Variants in TENM2 observed in about 807,000 individuals in gnomAD.
TENM2 encodes teneurin transmembrane protein 2.
TENM2 carries 52 observed loss-of-function variants against 245.2 expected under a neutral mutation model. The observed-to-expected ratio is 0.21, with a 90% confidence interval of 0.17 to 0.27. The LOEUF is 0.27. TENM2 is among the 10% of genes least tolerant of loss of function. The pLI, the probability that TENM2 is intolerant of heterozygous loss-of-function variation, is 1.00. For synonymous variants in TENM2, 1,363 were observed against 1,438.9 expected (o/e 0.95, Z 1.19); for missense variants, 3,046 against 3,666.8 (o/e 0.83, Z 4.37).
rs2546958 is a variant in TENM2 at position 167,980,500 on chromosome 5, C to T, written c.948-12444C>T. Among the ~76,000 whole-genome samples the T allele has an allele frequency of 5.7e-3, 865 of 152,164 alleles. 7 individuals carry two copies. The highest frequency in any genetic ancestry group is 0.02 in the African/African-American group (813 of 41,500). ...ACCTGGACATGGGGAGGAGCTTGGC[C>T]TCTTTAAGGAACAGCAAAGAGGATG... On this transcript the variant is annotated intron_variant, in intron 4 of 28. Transcript: ENST00000518659.
At chr5:167,957,391 GTCTA>G (rs1416614456) in intron 4 of TENM2, among the ~76,000 whole-genome samples, 5 of 152,096 alleles carry the variant, frequency 3.3e-5, no homozygotes, top group African/African-American at 9.7e-5. Context: ...CTGGCCGGCA[GTCTA>G]TCTATTTTGT....
intron 2 of TENM2, among the ~76,000 whole-genome samples, chr5:167,419,307 C>T (rs1045867890): frequency 6.6e-6 from 1 of 151,860 alleles, no homozygotes; most frequent in African/African-American, 2.4e-5. Context: ...ACTAAAAATA[C>T]AAAAATTAGA....
the TENM2 span, among the ~76,000 whole-genome samples, chr5:167,261,426 A>G: frequency 6.6e-6 from 1 of 152,082 alleles, no homozygotes; most frequent in African/African-American, 2.4e-5. Flanking sequence ...TGCACATAAA[A>G]CTTTTAACAC....
the TENM2 span, among the ~76,000 whole-genome samples, chr5:167,234,927 T>G: frequency 1.1e-4 from 16 of 152,206 alleles, no homozygotes; most frequent in South Asian, 2.1e-4. Context: ...TCAATGTAAC[T>G]GCTTTGCCAC....
chr5:167,504,529 A>G (rs980616142), intron 2 of TENM2, among the ~76,000 whole-genome samples: 2 of 152,206 alleles, frequency 1.3e-5, no homozygotes, highest in African/African-American at 2.4e-5. Flanking sequence ...TTCTAAGACT[A>G]GAGCTTGATT....
At chr5:167,838,510 A>AC (rs1769209190) in intron 2 of TENM2, among the ~76,000 whole-genome samples, 1 of 152,196 alleles carries the variant, frequency 6.6e-6, no homozygotes, top group Non-Finnish European at 1.5e-5. Flanking sequence ...GTCTGCTTGG[A>AC]ACTCTGAGGG....
intron 25 of TENM2, among the ~76,000 whole-genome samples, chr5:168,230,500 G>T (rs1369855250): frequency 6.6e-6 from 1 of 152,178 alleles, no homozygotes; most frequent in Non-Finnish European, 1.5e-5. Context: ...GAGGGAACTG[G>T]GGAGTGGCCA....
chr5:167,826,807 C>T lies in TENM2; in HGVS notation c.503-49179C>T, dbSNP rs371235769. On this transcript the variant is annotated intron_variant, in intron 2 of 28. Coordinates refer to ENST00000518659, the Ensembl canonical transcript of TENM2. ...CAAGGTACCTCCCTGATATCCCAGC[C>T]ATGTGGTTAAATGAGATCATGCACA... is the stretch of plus-strand genomic sequence containing the variant. Among the ~76,000 whole-genome samples, 8 of 152,326 alleles carry T rather than the reference C, an allele frequency of 5.3e-5. No homozygotes were observed. The South Asian group carries it at 8.3e-4, about 16-fold the overall frequency.
At chr5:167,880,564 G>A (rs1386193934) in intron 3 of TENM2, among the ~76,000 whole-genome samples, 1 of 152,098 alleles carries the variant, frequency 6.6e-6, no homozygotes, top group African/African-American at 2.4e-5. Context: ...GTCATTTCAG[G>A]GAAATTCTGG....
chr5:167,958,428 A>G (rs1754835785), intron 4 of TENM2, among the ~76,000 whole-genome samples: 1 of 152,128 alleles, frequency 6.6e-6, no homozygotes, highest in Non-Finnish European at 1.5e-5. Flanking sequence ...TTGACTCTTT[A>G]TCCAATTTGC....
At chr5:167,229,421 A>G in the TENM2 span, among the ~76,000 whole-genome samples, 33 of 152,320 alleles carry the variant, frequency 2.2e-4, no homozygotes, top group South Asian at 2.1e-3. Flanking sequence ...CAGGTTCTGA[A>G]CACTGCACAG....
chr5:167,798,461 C>T (rs1765472318), intron 2 of TENM2, among the ~76,000 whole-genome samples: 1 of 152,172 alleles, frequency 6.6e-6, no homozygotes, highest in Non-Finnish European at 1.5e-5. Flanking sequence ...GAGGTAGGCA[C>T]AGTATCAGGC....
intron 2 of TENM2, among the ~76,000 whole-genome samples, chr5:167,450,571 C>T (rs1765515605): frequency 1.3e-5 from 2 of 152,030 alleles, no homozygotes; most frequent in Non-Finnish European, 2.9e-5. Flanking sequence ...TATTCTTTGA[C>T]TTTTTTATAT....
the TENM2 span, among the ~76,000 whole-genome samples, chr5:167,264,041 G>T: frequency 6.6e-6 from 1 of 150,988 alleles, no homozygotes; most frequent in Non-Finnish European, 1.5e-5. Flanking sequence ...GGAGGTGGAG[G>T]TTAGAGTGAG....
chr5:167,097,195 G>A, the TENM2 span, among the ~76,000 whole-genome samples: 2 of 152,124 alleles, frequency 1.3e-5, no homozygotes, highest in African/African-American at 4.8e-5. Flanking sequence ...TGGATCGGCA[G>A]GATTTGCTTA....
intron 2 of TENM2, among the ~76,000 whole-genome samples, chr5:167,404,491 GCCC>G: frequency 6.6e-6 from 1 of 152,122 alleles, no homozygotes; most frequent in East Asian, 1.9e-4. Flanking sequence ...CCCTGGTGTA[GCCC>G]ACTGGGGAGA....
At chr5:167,570,636 CCCT>C (rs1774209109) in intron 2 of TENM2, among the ~76,000 whole-genome samples, 1 of 152,092 alleles carries the variant, frequency 6.6e-6, no homozygotes. Flanking sequence ...CTTGCCAGAA[CCCT>C]AGGAATGCCC....
Position 167,794,998 on chromosome 5 carries a change from T to C in TENM2, c.503-80988T>C, listed in dbSNP as rs151039015. On this transcript the variant is annotated intron_variant, in intron 2 of 28. Transcript: ENST00000518659. ...TTATTTTTATAACTTTTCTATACTC[T>C]AACATTATTCCAAAATAAAATTTTA... is the stretch of plus-strand genomic sequence containing the variant. Among the ~76,000 whole-genome samples the C allele has an allele frequency of 8.7e-4, 132 of 152,310 alleles. 2 individuals are homozygous for C. The East Asian group carries it at 0.025, about 29-fold the overall frequency.
At chr5:168,188,359 G>A (rs1246776833) in intron 13 of TENM2, among the ~76,000 whole-genome samples, 1 of 152,152 alleles carries the variant, frequency 6.6e-6, no homozygotes, top group Admixed American at 6.5e-5. Flanking sequence ...TCCAGGAGGT[G>A]CAAGCAAGTT....
Sources: allele counts gnomAD v4.1 joint callset (sites outside exome capture counted in the v4.1 genomes callset), GRCh38; gene constraint gnomAD v4.1.1; transcripts MANE v1.5; gene names NCBI Gene and HGNC (gene_info 2026-07-23, HGNC 2026-07-21).